The following DERA variants were observed in gnomAD, a reference collection of about 807,000 sequenced individuals.
DERA encodes the protein 2-deoxy-D-ribose 5-phosphate aldolase.
DERA carries 15 observed loss-of-function variants against 41.1 expected under a neutral mutation model. The observed-to-expected ratio is 0.37, with a 90% CI of 0.24 to 0.56. The LOEUF is 0.56. Ranked by LOEUF, DERA falls within the 20% of genes least tolerant of loss-of-function variation. The probability of loss-of-function intolerance (pLI) is 0.81; values close to 1 mark genes in which losing one functional copy is unlikely to be tolerated. For missense variants in DERA, 396 were observed against 403.4 expected, an observed-to-expected ratio of 0.98 and a Z score of 0.16; for synonymous variants, 139 against 137.4, an observed-to-expected ratio of 1.01 and a Z score of -0.08.
intron 4 of DERA, among the ~76,000 whole-genome samples, chr12:15,960,584 C>G (rs1254710851): frequency 8.1e-6 from 1 of 123,254 alleles, no homozygotes; most frequent in Non-Finnish European, 1.6e-5. Flanking sequence ...TTGCAGTGAG[C>G]TGAGATCATG....
At chr12:15,978,063 A>G (rs1458932917) in intron 5 of DERA, among the ~76,000 whole-genome samples, 1 of 152,068 alleles carries the variant, frequency 6.6e-6, no homozygotes, top group African/African-American at 2.4e-5. Flanking sequence ...TCGTTTTTCC[A>G]TTGTTTGGCT....
chr12:15,971,275 A>G (rs10846261), intron 5 of DERA, among the ~76,000 whole-genome samples: 84,302 of 152,050 alleles, frequency 0.55, 24,949 homozygotes, highest in East Asian at 0.8. Flanking sequence ...TTTTCCTCAC[A>G]TGTGCTCCTA....
chr12:15,927,245 T>C (rs1948293938), intron 1 of DERA, among the ~76,000 whole-genome samples: 2 of 152,238 alleles, frequency 1.3e-5, no homozygotes, highest in African/African-American at 4.8e-5. Context: ...TGCATTGTCT[T>C]CTACTCCTCC....
At chr12:15,927,414 G>A (rs57129515) in intron 1 of DERA, among the ~76,000 whole-genome samples, 28,287 of 152,010 alleles carry the variant, frequency 0.19, 3,175 homozygotes, top group African/African-American at 0.31. Context: ...GAACAGTAAC[G>A]CTTTTTTGTG....
At chr12:15,949,499 G>C (rs374135281) in intron 1 of DERA, among the ~76,000 whole-genome samples, 1 of 152,170 alleles carries the variant, frequency 6.6e-6, no homozygotes, top group South Asian at 2.1e-4. Context: ...CCTCTGAGCC[G>C]GGCGTGGGAT....
rs1390435608 is a variant in DERA, at chr12:15,913,093, A to C, written c.31+1679A>C. Reference sequence around the variant, plus strand: ...ATGCATACATCAAGGATGTGCCCTAAATTTCCCAAAACTTAGACATTTTAA... The same window carrying C: ...ATGCATACATCAAGGATGTGCCCTACATTTCCCAAAACTTAGACATTTTAA... On this transcript the variant is annotated intron_variant, in intron 1 of 8. Transcript: ENST00000428559. The surrounding 1 kb of genome is among the most constrained non-coding windows in gnomAD (Gnocchi z 4.5). 1.3e-5 allele frequency among the ~76,000 whole-genome samples: 2 copies of C among 152,228 alleles called. No individual in the cohort carries two copies. The highest frequency in any genetic ancestry group is 2.4e-5 in the African/African-American group (1 of 41,466).
At chr12:16,025,346 A>T (rs1949046306) in intron 6 of DERA, among the ~76,000 whole-genome samples, 1 of 152,152 alleles carries the variant, frequency 6.6e-6, no homozygotes, top group Non-Finnish European at 1.5e-5. Context: ...GGTTAAAAAT[A>T]AACAAATAGG....
intron 6 of DERA, among the ~76,000 whole-genome samples, chr12:16,024,513 C>G (rs980341201): frequency 4.6e-5 from 7 of 152,036 alleles, no homozygotes; most frequent in African/African-American, 7.2e-5. Flanking sequence ...AAGAAAAAAG[C>G]AAAAACAAAA....
chr12:15,911,334 G>A lies in DERA; in HGVS notation c.-50G>A. On this transcript the variant is annotated 5_prime_UTR_variant, in exon 1 of 9. Transcript: ENST00000428559. This position sits in a 1 kb window ranked among gnomAD's most constrained non-coding sequence, Gnocchi z 4.5. Reference sequence around the variant, plus strand: ...GCGGGAAGGAGGAAGGGCCGGGCGCGGCGCAGAGGCGGGCGCCTACCAGCC... The same window carrying A: ...GCGGGAAGGAGGAAGGGCCGGGCGCAGCGCAGAGGCGGGCGCCTACCAGCC... 1.4e-6 allele frequency: 2 copies of A among 1,439,226 alleles called. No homozygotes were observed. The highest frequency in any genetic ancestry group is 2.8e-5 in the South Asian group (2 of 71,534). The allele number at this position is 1,439,226 out of a possible 1,614,324, so 89.2% of individuals were successfully genotyped here.
chr12:16,008,122 G>T lies in DERA; in HGVS notation c.638-24420G>T, dbSNP rs540805128. ...CCTGCCTTGGCCTCCCAAAGTGCTG[G>T]GATTACAGGAGTGAGCCACTGCAAC... On this transcript the variant is annotated intron_variant, in intron 6 of 8. Transcript: ENST00000428559. The surrounding 1 kb of genome is among the most constrained non-coding windows in gnomAD (Gnocchi z 4.8). 6.6e-6 allele frequency among the ~76,000 whole-genome samples: 1 copy of T among 152,276 alleles called. No individual in the cohort carries two copies. The highest frequency in any genetic ancestry group is 1.9e-4 in the East Asian group (1 of 5,182).
At chr12:15,971,306 G>C (rs1948657942) in intron 5 of DERA, among the ~76,000 whole-genome samples, 1 of 152,142 alleles carries the variant, frequency 6.6e-6, no homozygotes, top group Non-Finnish European at 1.5e-5. Context: ...TTGATAGCCA[G>C]CGTTACCAAA....
chr12:15,959,754 A>G lies in DERA; in HGVS notation c.278-75A>G. ...ATTTGATTTTTGCCAGTGTTGCGATATAAATAATAATTAAAAGCATGTTGT... is the reference window on the plus strand; with the variant it reads ...ATTTGATTTTTGCCAGTGTTGCGATGTAAATAATAATTAAAAGCATGTTGT... On this transcript the variant is annotated intron_variant, in intron 3 of 8. Transcript: ENST00000428559. The surrounding 1 kb of genome is among the most constrained non-coding windows in gnomAD (Gnocchi z 4.5). 2.0e-6 allele frequency: 2 copies of G among 1,007,164 alleles called. No homozygotes were observed. The highest frequency in any genetic ancestry group is 1.7e-5 in the South Asian group (1 of 59,546). 62.4% of individuals were successfully genotyped at this position (1,007,164 alleles called of 1,614,324 possible).
rs1216851366 is a variant in DERA, at chr12:15,984,503, C to G, written c.637+2067C>G. Reference sequence around the variant, plus strand: ...GTAATAAAACCGTATTCATGGTGTGCTTTACCAGGTACATTGAAACAATAT... The same window carrying G: ...GTAATAAAACCGTATTCATGGTGTGGTTTACCAGGTACATTGAAACAATAT... On this transcript the variant is annotated intron_variant, in intron 6 of 8. Transcript: ENST00000428559. This position sits in a 1 kb window ranked among gnomAD's most constrained non-coding sequence, Gnocchi z 4.5. 6.6e-6 allele frequency among the ~76,000 whole-genome samples: 1 copy of G among 152,152 alleles called. No homozygotes were observed. Among genetic ancestry groups the G allele is most frequent in the Non-Finnish European group, 1.5e-5 (1 of 68,026 alleles).
At chr12:15,997,825 A>G (rs986056116) in intron 6 of DERA, among the ~76,000 whole-genome samples, 2 of 152,222 alleles carry the variant, frequency 1.3e-5, no homozygotes, top group Non-Finnish European at 2.9e-5. Context: ...TTACAAATTC[A>G]TTGCCTTTTC....
intron 5 of DERA, among the ~76,000 whole-genome samples, chr12:15,975,684 G>A (rs568872356): frequency 6.6e-6 from 1 of 152,348 alleles, no homozygotes; most frequent in East Asian, 1.9e-4. Flanking sequence ...GAAACAAGGT[G>A]GAGTCAGTTA....
chr12:15,997,778 C>T (rs2136171273), intron 6 of DERA, among the ~76,000 whole-genome samples: 1 of 152,274 alleles, frequency 6.6e-6, no homozygotes, highest in East Asian at 1.9e-4. Context: ...TGAACTTTTG[C>T]CTGTCACCCC....
chr12:15,994,387 A>G lies in DERA; in HGVS notation c.637+11951A>G, dbSNP rs553226662. Among the ~76,000 whole-genome samples, 1 of 152,364 alleles carries G rather than the reference A, an allele frequency of 6.6e-6. No individual in the cohort carries two copies. The highest frequency in any genetic ancestry group is 1.5e-5 in the Non-Finnish European group (1 of 68,032). The stretch of plus-strand genomic sequence containing the variant: ...GAGATTCTGTTATTCCTTTATCTGT[A>G]ATTCCTAGCATATTAACTCTTGGTT... On this transcript the variant is annotated intron_variant, in intron 6 of 8. Transcript: ENST00000428559. This position sits in a 1 kb window ranked among gnomAD's most constrained non-coding sequence, Gnocchi z 4.8.
At position 15,966,590 on chromosome 12, in the gene DERA, A is replaced by G. The variant is rs368079831; in HGVS notation, c.508+3643A>G. Reference sequence around the variant, plus strand: ...CATACTCCCCAGTTGTTTATTCAGCATTACCATGCAACATATGACACAGCA... The same window carrying G: ...CATACTCCCCAGTTGTTTATTCAGCGTTACCATGCAACATATGACACAGCA... On this transcript the variant is annotated intron_variant, in intron 5 of 8. Coordinates refer to ENST00000428559, the MANE Select transcript of DERA (RefSeq NM_015954.4). The surrounding 1 kb of genome is among the most constrained non-coding windows in gnomAD (Gnocchi z 5.1). Among the ~76,000 whole-genome samples, 1 of 152,258 alleles carries G rather than the reference A, an allele frequency of 6.6e-6. No individual in the cohort carries two copies. The highest frequency in any genetic ancestry group is 2.1e-4 in the South Asian group (1 of 4,820).
intron 6 of DERA, among the ~76,000 whole-genome samples, chr12:16,023,895 G>GA (rs1467592170): frequency 6.6e-6 from 1 of 152,060 alleles, no homozygotes. Flanking sequence ...TAGCTTTAAT[G>GA]AAAAAACAGA....
Sources: allele counts gnomAD v4.1 joint callset (sites outside exome capture counted in the v4.1 genomes callset), GRCh38; gene constraint gnomAD v4.1.1; non-coding constraint Gnocchi (gnomAD v3.1); transcripts MANE v1.5; gene names NCBI Gene and HGNC (gene_info 2026-07-23, HGNC 2026-07-21).